Variants in SGK1 observed in about 807,000 individuals in gnomAD.
SGK1 encodes the protein serine/threonine-protein kinase Sgk1.
SGK1 carries 26 observed loss-of-function variants against 64.2 expected under a neutral mutation model. That is an observed-to-expected ratio of 0.40 (90% confidence interval 0.30 to 0.56). The LOEUF is 0.56. SGK1 is among the 20% of genes least tolerant of loss of function. The pLI is 0.38. For missense variants in SGK1, 519 were observed against 645.6 expected (o/e 0.80, Z 2.12); for synonymous variants, 265 against 239.7 (o/e 1.11, Z -0.98).
intron 2 of SGK1, among the ~76,000 whole-genome samples, chr6:134,254,226 G>T (rs753037172): frequency 6.6e-6 from 1 of 151,764 alleles, no homozygotes; most frequent in Non-Finnish European, 1.5e-5. Flanking sequence ...GCAAGGTCCC[G>T]GGAGGAGATA....
intron 2 of SGK1, among the ~76,000 whole-genome samples, chr6:134,257,789 A>G (rs1262656654): frequency 2.0e-5 from 3 of 152,248 alleles, no homozygotes; most frequent in African/African-American, 4.8e-5. Context: ...TACGTTTACA[A>G]AAGAGTTTTT....
intron 2 of SGK1, among the ~76,000 whole-genome samples, chr6:134,208,482 C>A (rs1775829140): frequency 6.6e-6 from 1 of 151,972 alleles, no homozygotes; most frequent in Non-Finnish European, 1.5e-5. Context: ...ACCCAACACC[C>A]AAGCAGTGTA....
At chr6:134,291,585 C>A (rs1021693271) in intron 1 of SGK1, among the ~76,000 whole-genome samples, 1 of 152,182 alleles carries the variant, frequency 6.6e-6, no homozygotes, top group African/African-American at 2.4e-5. Flanking sequence ...CCCTGTTCTG[C>A]CTCACAAGGA....
intron 3 of SGK1, among the ~76,000 whole-genome samples, chr6:134,192,918 T>C (rs74351228): frequency 0.027 from 4,154 of 152,280 alleles, 171 homozygotes; most frequent in African/African-American, 0.094. Context: ...TTGAGGGCCA[T>C]TTCATTCCTG....
At chr6:134,226,540 A>G (rs962128812) in intron 2 of SGK1, among the ~76,000 whole-genome samples, 3 of 151,816 alleles carry the variant, frequency 2.0e-5, no homozygotes, top group African/African-American at 7.3e-5. Flanking sequence ...AAAAAGTACA[A>G]ATAGTTAGCT....
intron 6 of SGK1, 42 bp downstream of exon 6, chr6:134,173,420 C>T: frequency 6.3e-7 from 1 of 1,576,632 alleles, no homozygotes; most frequent in East Asian, 2.2e-5. Context: ...CAAAAGAGGA[C>T]ATGAAGGAAG....
chr6:134,253,479 C>T (rs1296381078), intron 2 of SGK1, among the ~76,000 whole-genome samples: 1 of 151,682 alleles, frequency 6.6e-6, no homozygotes, highest in African/African-American at 2.4e-5. Flanking sequence ...GAGACCTTGT[C>T]TCTACTAAAA....
At chr6:134,170,669 T>C (rs1582678551) in intron 13 of SGK1, 157 bp downstream of exon 13, 1 of 708,448 alleles carries the variant, frequency 1.4e-6, no homozygotes, top group East Asian at 2.5e-5. Context: ...GGGAGCCTTG[T>C]TGGGACACAA....
At chr6:134,278,688 A>G (rs11154761) in intron 1 of SGK1, among the ~76,000 whole-genome samples, 85,263 of 151,972 alleles carry the variant, frequency 0.56, 24,939 homozygotes, top group East Asian at 0.72. Context: ...GAGGACAGTC[A>G]AAGCTAACAA....
At chr6:134,304,952 C>T (rs1777512758) in intron 1 of SGK1, among the ~76,000 whole-genome samples, 1 of 152,120 alleles carries the variant, frequency 6.6e-6, no homozygotes, top group Admixed American at 6.5e-5. Context: ...AATGTGATTT[C>T]CTTCAGAAAA....
At chr6:134,175,740 T>C (rs1335268005) in intron 3 of SGK1, 83 of 1,366,154 alleles carry the variant, frequency 6.1e-5, no homozygotes, top group Non-Finnish European at 7.6e-5. Flanking sequence ...CCGCCGTGAC[T>C]CAGGCCGGGC....
intron 1 of SGK1, among the ~76,000 whole-genome samples, chr6:134,314,051 C>T (rs1202607666): frequency 1.3e-5 from 2 of 152,168 alleles, no homozygotes; most frequent in East Asian, 3.8e-4. Context: ...GCTAATTTAT[C>T]ATGAACACTT....
At chr6:134,196,992 G>A (rs1011295770) in intron 3 of SGK1, among the ~76,000 whole-genome samples, 1 of 152,156 alleles carries the variant, frequency 6.6e-6, no homozygotes, top group African/African-American at 2.4e-5. Context: ...CAGCACTTCA[G>A]GAGGCTGAGG....
Position 134,172,306 on chromosome 6 carries a change from G to T in SGK1, c.958C>A (p.Pro320Thr). 6.2e-7 allele frequency: 1 copy of T among 1,610,366 alleles called. No homozygotes were observed. Among genetic ancestry groups the T allele is most frequent in the Non-Finnish European group, 8.5e-7 (1 of 1,178,844 alleles). Residue 320 changes from proline to threonine, a missense_variant, in exon 10 of 14, where the codon CCA (proline) becomes ACA (threonine). Around this residue, in one of 2 missense-constraint regions of SGK1, gnomAD observed 278 missense variants for 408.7 expected, o/e 0.68. Coordinates refer to ENST00000367858, the MANE Select transcript of SGK1 (RefSeq NM_001143676.3). ...SLNIVYRDLK[P>T]ENILLDSQGH... ...TGTGAATCTAGCAAAATATTCTCTGGTTTTAAGTCTCTGTAAAAAAGTGAA... is the reference window on the plus strand; with the variant it reads ...TGTGAATCTAGCAAAATATTCTCTGTTTTTAAGTCTCTGTAAAAAAGTGAA...
intron 2 of SGK1, among the ~76,000 whole-genome samples, chr6:134,219,980 A>AC (rs1776057940): frequency 7.6e-6 from 1 of 131,850 alleles, no homozygotes; most frequent in Non-Finnish European, 1.6e-5. Flanking sequence ...AATGGCGTTA[A>AC]CCCGGGAGGC....
At chr6:134,220,645 G>C in intron 2 of SGK1, among the ~76,000 whole-genome samples, 1 of 152,084 alleles carries the variant, frequency 6.6e-6, no homozygotes, top group South Asian at 2.1e-4. Flanking sequence ...TTCAGTTTAG[G>C]GTTAGGGTTA....
chr6:134,257,772 A>C (rs1459905352), intron 2 of SGK1, among the ~76,000 whole-genome samples: 2 of 152,208 alleles, frequency 1.3e-5, no homozygotes, highest in Non-Finnish European at 2.9e-5. Context: ...GCACATGCAC[A>C]TCAATTTACG....
At chr6:134,174,989 G>T in intron 3 of SGK1, 1 of 1,244,308 alleles carries the variant, frequency 8.0e-7, no homozygotes, top group Non-Finnish European at 1.1e-6. Context: ...CTCGCGGTTT[G>T]CTGGCGGCTA....
At chr6:134,174,215 T>C (rs565869822) in intron 4 of SGK1, 135 bp from the exon 5 acceptor site, 1 of 645,396 alleles carries the variant, frequency 1.5e-6, no homozygotes, top group East Asian at 2.7e-5. Context: ...CCCAATACAT[T>C]AGTCAGTTAA....
Sources: gnomAD v4.1 joint callset for allele counts (sites outside exome capture counted in the v4.1 genomes callset) on GRCh38, gnomAD v4.1.1 for gene constraint, gnomAD v4.1.1 regional missense constraint, MANE v1.5 for transcripts, NCBI Gene and HGNC (gene_info 2026-07-23, HGNC 2026-07-21) for gene names.